The following COBLL1 variants were observed in gnomAD, a reference collection of about 807,000 sequenced individuals.
COBLL1 encodes cordon-bleu WH2 repeat protein like 1, also known as cordon-bleu protein-like 1.
Under a neutral mutation model 94.8 loss-of-function variants are expected in COBLL1, and 50 were observed. The ratio of observed to expected loss-of-function variants is 0.53; its 90% confidence interval spans 0.42 to 0.67. The LOEUF (loss-of-function observed/expected upper bound fraction) is 0.67. Ranked by LOEUF, COBLL1 falls within the 30% of genes least tolerant of loss-of-function variation. COBLL1 has a pLI of 0.00. For synonymous variants in COBLL1, 448 were observed against 473.8 expected (o/e 0.95, Z 0.71); for missense variants, 1,362 against 1,348.7 (o/e 1.01, Z -0.15).
chr2:164,784,085 C>A (rs1022446262), intron 2 of COBLL1, among the ~76,000 whole-genome samples: 2 of 152,310 alleles, frequency 1.3e-5, no homozygotes, highest in East Asian at 3.9e-4. Context: ...GCAGGAGAAG[C>A]AGCAGATCCA....
chr2:164,657,998 G>A (rs143295251), intron 2 of COBLL1, among the ~76,000 whole-genome samples: 47 of 152,082 alleles, frequency 3.1e-4, no homozygotes, highest in African/African-American at 1.1e-3. Context: ...TGCTGTTGCC[G>A]GCTTGAATGC....
chr2:164,842,047 GAGCGAGGGAAGC>G, upstream of COBLL1: 1 of 1,531,410 alleles, frequency 6.5e-7, no homozygotes, highest in Non-Finnish European at 8.8e-7. Flanking sequence ...GGCGGCATTG[GAGCGAGGGAAGC>G]AGCGAGCCGG....
Position 164,694,384 on chromosome 2 carries a change from C to T in COBLL1, c.3008G>A (p.Arg1003His), listed in dbSNP as rs540904114. The T allele has an allele frequency of 1.9e-5, 30 of 1,613,996 alleles. No homozygotes were observed. The highest frequency in any genetic ancestry group is 4.4e-5 in the South Asian group (4 of 91,082). The change falls in exon 12 of 14, where the codon CGC becomes CAC. Residue 1003 changes from arginine (R) to histidine (H), a missense_variant. Physicochemically the swap from Arg to His is conservative, Grantham distance 29. Coordinates refer to ENST00000652658, the MANE Select transcript of COBLL1 (RefSeq NM_001365672.2). ...VKRSQSFSKE[R>H]TESPSASALV... is the part of the protein sequence containing the mutation. Reference sequence around the variant, plus strand: ...TGCACTGGCACTAGGTGACTCGGTGCGCTCTTTACTGAAAGACTGTGACCT... The same window carrying T: ...TGCACTGGCACTAGGTGACTCGGTGTGCTCTTTACTGAAAGACTGTGACCT...
In COBLL1 at chr2:164,743,724, G is replaced by C. The variant is rs1686713592; in HGVS notation, c.193C>G (p.Pro65Ala). 1.2e-6 allele frequency: 2 copies of C among 1,613,452 alleles called. No individual in the cohort carries two copies. Among genetic ancestry groups the C allele is most frequent in the African/African-American group, 2.7e-5 (2 of 74,942 alleles). The part of the protein sequence containing the change: ...DKDVELSVVL[P>A]GDIIKSTTVH... ...GTAGTAGATTTGATAATATCCCCAG[G>C]TAGGACCACTGAGAGTTCAACGTCT... The change falls in exon 3 of 14, where the codon CCT becomes GCT. Residue 65 changes from proline to alanine, a missense_variant. Pro to Ala is a conservative substitution (Grantham distance 27). Coordinates refer to ENST00000652658, the MANE Select transcript of COBLL1 (RefSeq NM_001365672.2).
chr2:164,734,623 T>C (rs1273381585), intron 3 of COBLL1, among the ~76,000 whole-genome samples: 3 of 152,164 alleles, frequency 2.0e-5, no homozygotes, highest in African/African-American at 7.2e-5. Flanking sequence ...GGTGGTGTCC[T>C]GGACTACTCA....
chr2:164,684,267 A>T lies in COBLL1; in HGVS notation c.*1679T>A, dbSNP rs543724265. 2 of 152,264 alleles carry T rather than the reference A, an allele frequency of 1.3e-5. No homozygotes were observed. Among genetic ancestry groups the T allele is most frequent in the Admixed American group, 6.5e-5 (1 of 15,280 alleles). The allele number at this position is 152,264 out of a possible 1,614,324, so 9.4% of individuals were successfully genotyped here. A position where few individuals can be genotyped will look rare whatever the true frequency, so the allele number is the denominator to read the frequency against. ...TATCATGAGTTGTAGGAACTTTCAT[A>T]TCTTCATAAATTAAGCCTTTCTTAT... is the stretch of plus-strand genomic sequence containing the variant. On this transcript the variant is annotated 3_prime_UTR_variant, in exon 14 of 14. Transcript: ENST00000652658.
chr2:164,791,574 T>TCTTC (rs2105298408), intron 2 of COBLL1, among the ~76,000 whole-genome samples: 1 of 152,308 alleles, frequency 6.6e-6, no homozygotes, highest in East Asian at 1.9e-4. Flanking sequence ...ATACCAACTG[T>TCTTC]CTTCCTGCGT....
chr2:164,677,266 C>A (rs1177007929), downstream of COBLL1, among the ~76,000 whole-genome samples: 1 of 150,880 alleles, frequency 6.6e-6, no homozygotes, highest in African/African-American at 2.4e-5. Context: ...CTTTTTTTTG[C>A]TATTACCAAA....
intron 2 of COBLL1, among the ~76,000 whole-genome samples, chr2:164,770,384 A>AAC: frequency 6.6e-6 from 1 of 152,170 alleles, no homozygotes; most frequent in East Asian, 1.9e-4. Flanking sequence ...TACTAAAAGA[A>AAC]ACACTAACTT....
At chr2:164,716,218 C>T (rs915359529) in intron 7 of COBLL1, among the ~76,000 whole-genome samples, 2 of 152,210 alleles carry the variant, frequency 1.3e-5, no homozygotes, top group East Asian at 1.9e-4. Context: ...TCAATGTAAT[C>T]GAATTTCTGA....
At chr2:164,790,921 G>A (rs987334137) in intron 2 of COBLL1, among the ~76,000 whole-genome samples, 4 of 152,124 alleles carry the variant, frequency 2.6e-5, no homozygotes, top group Admixed American at 2.0e-4. Context: ...AGAACAATCC[G>A]TTGCACACTT....
intron 2 of COBLL1, among the ~76,000 whole-genome samples, chr2:164,658,823 T>C (rs1036528680): frequency 3.9e-5 from 6 of 152,184 alleles, no homozygotes; most frequent in Admixed American, 6.5e-5. Flanking sequence ...CTGCTGAGCA[T>C]TGGGGCTTGG....
chr2:164,715,262 T>A (rs1166590039), intron 7 of COBLL1, among the ~76,000 whole-genome samples: 1 of 152,164 alleles, frequency 6.6e-6, no homozygotes, highest in African/African-American at 2.4e-5. Flanking sequence ...CTCTACTGAA[T>A]GAAACCAGTC....
intron 3 of COBLL1, among the ~76,000 whole-genome samples, chr2:164,736,133 TAAC>T (rs1329868764): frequency 5.3e-5 from 8 of 152,144 alleles, no homozygotes. Flanking sequence ...CAGAAATAAA[TAAC>T]AATTCCCTGG....
At chr2:164,664,009 C>A (rs1184966468) in intron 2 of COBLL1, among the ~76,000 whole-genome samples, 2 of 152,130 alleles carry the variant, frequency 1.3e-5, no homozygotes, top group Non-Finnish European at 2.9e-5. Context: ...AATGTATAAT[C>A]TTATACTTAA....
At chr2:164,757,921 T>C (rs1006561113) in intron 2 of COBLL1, among the ~76,000 whole-genome samples, 1 of 152,082 alleles carries the variant, frequency 6.6e-6, no homozygotes, top group African/African-American at 2.4e-5. Context: ...GGATGTTTAC[T>C]TTTTGAACAG....
At chr2:164,714,370 GAAAAA>G (rs35115672) in intron 7 of COBLL1, among the ~76,000 whole-genome samples, 2 of 114,410 alleles carry the variant, frequency 1.7e-5, no homozygotes, top group Non-Finnish European at 3.7e-5. Context: ...CATCTTGGAT[GAAAAA>G]AAAAAAAAAA....
chr2:164,701,635 A>C (rs553122742), intron 9 of COBLL1, among the ~76,000 whole-genome samples: 1 of 151,556 alleles, frequency 6.6e-6, no homozygotes, highest in Admixed American at 6.6e-5. Flanking sequence ...TTTACACATA[A>C]ATATTTTCAA....
intron 2 of COBLL1, among the ~76,000 whole-genome samples, chr2:164,775,979 T>C (rs1688443957): frequency 6.6e-6 from 1 of 151,854 alleles, no homozygotes; most frequent in African/African-American, 2.4e-5. Context: ...CCCAATACAG[T>C]CCCAAATCTA....
Sources: gnomAD v4.1 joint callset for allele counts (sites outside exome capture counted in the v4.1 genomes callset) on GRCh38, gnomAD v4.1.1 for gene constraint, MANE v1.5 for transcripts, NCBI Gene and HGNC (gene_info 2026-07-23, HGNC 2026-07-21) for gene names.